MARK1: variants seen among roughly 807,000 people sequenced by gnomAD.
MARK1 encodes the protein serine/threonine-protein kinase MARK1.
A neutral mutation model predicts 96.3 loss-of-function variants in MARK1; 40 were observed. The observed-to-expected ratio is 0.42, with a 90% confidence interval of 0.32 to 0.54. The LOEUF (loss-of-function observed/expected upper bound fraction) is 0.54, where lower values mean the gene tolerates loss of function less well. Among genes scored for constraint, MARK1 ranks in the 20% least tolerant of loss-of-function variants. MARK1 has a pLI of 0.16. For synonymous variants in MARK1, 317 were observed against 341.2 expected (o/e 0.93, Z 0.78); for missense variants, 719 against 984.6 (o/e 0.73, Z 3.61).
intron 1 of MARK1, among the ~76,000 whole-genome samples, chr1:220,548,026 A>G (rs1661617921): frequency 1.3e-5 from 2 of 152,252 alleles, no homozygotes; most frequent in Admixed American, 1.3e-4. Flanking sequence ...TATGTCAACA[A>G]AATACATTCC....
intron 13 of MARK1, among the ~76,000 whole-genome samples, chr1:220,638,188 C>T (rs1386775966): frequency 6.6e-6 from 1 of 151,578 alleles, no homozygotes; most frequent in Non-Finnish European, 1.5e-5. Flanking sequence ...AATCACCCCA[C>T]ATAGCAGAAA....
intron 13 of MARK1, among the ~76,000 whole-genome samples, chr1:220,636,765 A>G (rs747938486): frequency 1.5e-4 from 23 of 151,956 alleles, no homozygotes; most frequent in Non-Finnish European, 2.5e-4. Context: ...ACGACCTTAA[A>G]AGGAACAAGA....
At chr1:220,609,959 CTT>C in intron 6 of MARK1, among the ~76,000 whole-genome samples, 1 of 152,206 alleles carries the variant, frequency 6.6e-6, no homozygotes, top group African/African-American at 2.4e-5. Context: ...GTAACTCAAC[CTT>C]TCTCTCTGGC....
intron 16 of MARK1, among the ~76,000 whole-genome samples, chr1:220,657,490 CA>C (rs1198352679): frequency 2.0e-5 from 3 of 151,812 alleles, no homozygotes; most frequent in Non-Finnish European, 2.9e-5. Context: ...TAAACTAAAC[CA>C]AAAGATAAAT....
chr1:220,539,229 T>A (rs1660953861), intron 1 of MARK1, among the ~76,000 whole-genome samples: 1 of 151,956 alleles, frequency 6.6e-6, no homozygotes, highest in South Asian at 2.1e-4. Context: ...TCTTATTATT[T>A]TGAGATATGT....
At chr1:220,593,392 G>A (rs755303687) in intron 3 of MARK1, among the ~76,000 whole-genome samples, 1 of 151,854 alleles carries the variant, frequency 6.6e-6, no homozygotes, top group African/African-American at 2.4e-5. Context: ...ATAAGCTACC[G>A]TATTTGACTT....
intron 6 of MARK1, among the ~76,000 whole-genome samples, chr1:220,607,932 G>C (rs1046034584): frequency 2.0e-5 from 3 of 152,122 alleles, no homozygotes; most frequent in African/African-American, 7.2e-5. Context: ...TAAGCCTTTT[G>C]ATGTGCTGCT....
At chr1:220,611,025 G>A (rs11582354) in intron 6 of MARK1, among the ~76,000 whole-genome samples, 3,849 of 152,296 alleles carry the variant, frequency 0.025, 103 homozygotes, top group Non-Finnish European at 0.035. Flanking sequence ...AGGCTACATG[G>A]GGGTCACGGA....
At chr1:220,554,652 G>A (rs1039556095) in intron 1 of MARK1, among the ~76,000 whole-genome samples, 1 of 152,172 alleles carries the variant, frequency 6.6e-6, no homozygotes, top group African/African-American at 2.4e-5. Flanking sequence ...AAATAAAAAA[G>A]CATTTGCAGT....
intron 3 of MARK1, among the ~76,000 whole-genome samples, chr1:220,595,044 A>C (rs978892767): frequency 6.6e-6 from 1 of 152,170 alleles, no homozygotes; most frequent in African/African-American, 2.4e-5. Context: ...CGATTATAAC[A>C]AATGTACCTC....
At chr1:220,600,476 A>C (rs1361940009) in intron 5 of MARK1, among the ~76,000 whole-genome samples, 1 of 152,230 alleles carries the variant, frequency 6.6e-6, no homozygotes, top group Non-Finnish European at 1.5e-5. Flanking sequence ...ATTTTGAAAC[A>C]CTGATATGTG....
chr1:220,647,767 A>G (rs185245055), intron 13 of MARK1, among the ~76,000 whole-genome samples: 133 of 152,354 alleles, frequency 8.7e-4, no homozygotes, highest in African/African-American at 2.9e-3. Context: ...GCCAGAAGCC[A>G]TTATCCTCAG....
intron 1 of MARK1, among the ~76,000 whole-genome samples, chr1:220,540,166 T>C (rs368770164): frequency 6.6e-6 from 1 of 152,250 alleles, no homozygotes; most frequent in East Asian, 1.9e-4. Flanking sequence ...ATGAGAAGAT[T>C]TATTATGGGA....
chr1:220,601,276 T>A (rs903359211), intron 5 of MARK1, among the ~76,000 whole-genome samples: 1 of 151,648 alleles, frequency 6.6e-6, no homozygotes, highest in Non-Finnish European at 1.5e-5. Context: ...TGCAGTTGTT[T>A]ATACAGATTG....
intron 1 of MARK1, among the ~76,000 whole-genome samples, chr1:220,537,091 GT>G (rs578156384): frequency 0.02 from 2,795 of 140,522 alleles, 33 homozygotes; most frequent in South Asian, 0.05. Flanking sequence ...CTATCACCTA[GT>G]TTTTTTTTTT....
At chr1:220,550,597 G>T (rs1661794590) in intron 1 of MARK1, among the ~76,000 whole-genome samples, 1 of 152,166 alleles carries the variant, frequency 6.6e-6, no homozygotes, top group Non-Finnish European at 1.5e-5. Flanking sequence ...CAAGCAATCT[G>T]CATGCCTTGG....
At position 220,528,794 on chromosome 1, in the gene MARK1, C is replaced by A. The variant is rs1357734416; in HGVS notation, c.-29C>A. Reference sequence around the variant, plus strand: ...CCGCACCACAGCCCGGCCGGCGAGACCCCGGCCAGACCCCGCTGCCCGCAC... The same window carrying A: ...CCGCACCACAGCCCGGCCGGCGAGAACCCGGCCAGACCCCGCTGCCCGCAC... On this transcript the variant is annotated 5_prime_UTR_variant, in exon 1 of 18. Coordinates refer to ENST00000366917, the MANE Select transcript of MARK1 (RefSeq NM_018650.5). The A allele has an allele frequency of 6.5e-7, 1 of 1,546,320 alleles. No individual in the cohort carries two copies. The highest frequency in any genetic ancestry group is 8.7e-7 in the Non-Finnish European group (1 of 1,145,132).
intron 6 of MARK1, among the ~76,000 whole-genome samples, chr1:220,605,702 C>A (rs1666032924): frequency 7.8e-6 from 1 of 127,924 alleles, no homozygotes; most frequent in African/African-American, 2.9e-5. Context: ...GTGTGATGTT[C>A]CCTGCCCTGT....
In MARK1 at chr1:220,618,447, A is replaced by G. The variant is rs764315061; in HGVS notation, c.690A>G (p.Gly230=). ...PPYAAPELFQ[G]KKYDGPEVDV... Reference sequence around the variant, plus strand: ...ATGCTGCTCCCGAGCTTTTCCAAGGAAAGAAGTATGATGGGCCTGAAGTGG... The same window carrying G: ...ATGCTGCTCCCGAGCTTTTCCAAGGGAAGAAGTATGATGGGCCTGAAGTGG... Residue 230 remains glycine (G), a synonymous_variant, in exon 8 of 18, where the codon GGA becomes GGG. Transcript: ENST00000366917. The surrounding 1 kb of genome is among the most constrained non-coding windows in gnomAD (Gnocchi z 4.6). The G allele has an allele frequency of 2.7e-5, 44 of 1,614,078 alleles. No homozygotes were observed. The highest frequency in any genetic ancestry group is 3.6e-5 in the Non-Finnish European group (42 of 1,180,040).
Sources: allele counts gnomAD v4.1 joint callset (sites outside exome capture counted in the v4.1 genomes callset), GRCh38; gene constraint gnomAD v4.1.1; non-coding constraint Gnocchi (gnomAD v3.1); transcripts MANE v1.5; gene names NCBI Gene and HGNC (gene_info 2026-07-23, HGNC 2026-07-21).